DDX19B: variants seen among roughly 807,000 people sequenced by gnomAD.
DDX19B encodes ATP-dependent RNA helicase DDX19B.
In DDX19B, 27 loss-of-function variants were observed where a neutral mutation model predicts 58.1. That is an observed-to-expected ratio of 0.46 (90% CI 0.34 to 0.64). DDX19B has a LOEUF of 0.64. DDX19B is among the 30% of genes least tolerant of loss of function. The pLI, the probability that DDX19B is intolerant of heterozygous loss-of-function variation, is 0.01. For missense variants in DDX19B, 399 were observed against 596.5 expected (o/e 0.67, Z 3.45); for synonymous variants, 187 against 214.4 (o/e 0.87, Z 1.12).
upstream of DDX19B, among the ~76,000 whole-genome samples, chr16:70,293,181 C>G (rs1961103765): frequency 6.6e-6 from 1 of 152,034 alleles, no homozygotes; most frequent in African/African-American, 2.4e-5. Flanking sequence ...CTTTGGGATT[C>G]TGAGGTGGGT....
intron 10 of DDX19B, 44 bp downstream of exon 10, chr16:70,331,928 C>T (rs746957675): frequency 5.8e-5 from 93 of 1,601,948 alleles, no homozygotes; most frequent in Non-Finnish European, 7.7e-5. Flanking sequence ...GGCTTGGGGT[C>T]CCAGGCCCAG....
chr16:70,291,585 A>G (rs919780681), upstream of DDX19B, among the ~76,000 whole-genome samples: 9 of 151,888 alleles, frequency 5.9e-5, no homozygotes, highest in Non-Finnish European at 1.3e-4. Context: ...CTAGGCAGGC[A>G]GATCATGAGG....
At chr16:70,311,349 C>T (rs1372866536) in intron 1 of DDX19B, among the ~76,000 whole-genome samples, 3 of 152,134 alleles carry the variant, frequency 2.0e-5, no homozygotes, top group Non-Finnish European at 4.4e-5. Context: ...CCCTACACTC[C>T]AGTCCAGGTG....
rs1221617517 is a variant in DDX19B at position 70,335,226 on chromosome 16, T to C, written c.*1644T>C. 6.6e-6 allele frequency: 1 copy of C among 152,168 alleles called. No homozygotes were observed. The highest frequency in any genetic ancestry group is 2.4e-5 in the African/African-American group (1 of 41,450). 9.4% of individuals were successfully genotyped at this position (152,168 alleles called of 1,614,324 possible). A position where few individuals can be genotyped will look rare whatever the true frequency, so the allele number is the denominator to read the frequency against. ...AGAAATTTTTATACTTTTTTCTCCT[T>C]CCCTGAGTCCTGTGGACCAACCCTG... is the stretch of plus-strand genomic sequence containing the variant. On this transcript the variant is annotated 3_prime_UTR_variant, in exon 12 of 12. Coordinates refer to ENST00000288071, the MANE Select transcript of DDX19B (RefSeq NM_007242.7).
chr16:70,314,953 A>G lies in DDX19B; in HGVS notation c.158A>G (p.Lys53Arg). Residue 53 changes from lysine to arginine, a missense_variant and splice_region_variant, in exon 3 of 12, where the codon AAA becomes AGA. Physicochemically the swap from Lys to Arg is conservative, Grantham distance 26. This residue lies in a region of DDX19B where 132 missense variants were observed against 159.4 expected (regional missense o/e 0.83). Transcript: ENST00000288071. ...GCAGAGAAGACAGATGAAGAAGAGA[A>G]AGGTAACACAGCCGTGGAGCTTTAT... ...ANAEKTDEEEKEDRAAQSLLN... is the reference protein window; with the variant it reads ...ANAEKTDEEEREDRAAQSLLN... 1.9e-6 allele frequency: 3 copies of G among 1,608,582 alleles called. No homozygotes were observed. Among genetic ancestry groups the G allele is most frequent in the Non-Finnish European group, 2.6e-6 (3 of 1,176,314 alleles).
chr16:70,331,546 T>TA (rs2152215297), intron 9 of DDX19B, among the ~76,000 whole-genome samples, 176 bp from the exon 10 acceptor site: 1 of 152,352 alleles, frequency 6.6e-6, no homozygotes, highest in East Asian at 1.9e-4. Context: ...CTCAAGTGTG[T>TA]AGCTTGGACT....
At chr16:70,298,773 T>C (rs551209832), upstream of DDX19B, among the ~76,000 whole-genome samples, 6 of 152,246 alleles carry the variant, frequency 3.9e-5, no homozygotes, top group South Asian at 4.1e-4. Flanking sequence ...CCTAACAAGA[T>C]TGCATAGTGG....
chr16:70,309,695 G>C (rs1018726043), intron 1 of DDX19B, among the ~76,000 whole-genome samples: 1 of 150,948 alleles, frequency 6.6e-6, no homozygotes, highest in African/African-American at 2.4e-5. Context: ...GCACACGCCT[G>C]TAATCCCAGC....
Position 70,333,872 on chromosome 16 carries a change from A to C in DDX19B, c.*290A>C. ...GCCAGTGTTTCCTTCATGCTAATCT[A>C]GATGCTGTGGCTGATTACTTGCCCA... is the stretch of plus-strand genomic sequence containing the variant. On this transcript the variant is annotated 3_prime_UTR_variant, in exon 12 of 12. Transcript: ENST00000288071. 1 of 500,870 alleles carries C rather than the reference A, an allele frequency of 2.0e-6. No individual in the cohort carries two copies. Among genetic ancestry groups the C allele is most frequent in the South Asian group, 2.3e-5 (1 of 44,242 alleles). The allele number at this position is 500,870 out of a possible 1,614,324, so 31.0% of individuals were successfully genotyped here.
intron 4 of DDX19B, 72 bp downstream of exon 4, chr16:70,316,176 C>G: frequency 6.4e-7 from 1 of 1,560,232 alleles, no homozygotes; most frequent in Admixed American, 1.8e-5. Context: ...TTATAGATAT[C>G]TTTTGACCAC....
At chr16:70,332,181 T>A (rs182541405) in intron 10 of DDX19B, among the ~76,000 whole-genome samples, 1 of 148,766 alleles carries the variant, frequency 6.7e-6, no homozygotes, top group African/African-American at 2.6e-5. Flanking sequence ...AGAGGCTTAC[T>A]GACTGATTTC....
chr16:70,311,406 G>A (rs970577324), intron 1 of DDX19B, among the ~76,000 whole-genome samples: 1 of 151,860 alleles, frequency 6.6e-6, no homozygotes, highest in African/African-American at 2.4e-5. Context: ...AAAAATTTAC[G>A]ACTAGAGCAC....
At chr16:70,322,266 T>C (rs1006508585) in intron 5 of DDX19B, among the ~76,000 whole-genome samples, 1 of 152,040 alleles carries the variant, frequency 6.6e-6, no homozygotes, top group African/African-American at 2.4e-5. Flanking sequence ...ACAGGGAATC[T>C]AGATGTTTAA....
rs186549992 is a variant in DDX19B, at chr16:70,335,270, C to G, written c.*1688C>G. On this transcript the variant is annotated 3_prime_UTR_variant, in exon 12 of 12. Coordinates refer to ENST00000288071, the MANE Select transcript of DDX19B (RefSeq NM_007242.7). ...AACCCTGAAATACTAAAAACAAGGG[C>G]AATAATTAAAGAAGTATAGACTCTT... 6 of 152,220 alleles carry G rather than the reference C, an allele frequency of 3.9e-5. No individual in the cohort carries two copies. Among genetic ancestry groups the G allele is most frequent in the Admixed American group, 3.3e-4 (5 of 15,278 alleles). 9.4% of individuals were successfully genotyped at this position (152,220 alleles called of 1,614,324 possible).
rs74024199 is a variant in DDX19B at position 70,325,703 on chromosome 16, T to G, written c.607+15T>G. 20,704 of 1,573,088 alleles carry G rather than the reference T, an allele frequency of 0.013. 2,418 individuals carry two copies. In the African/African-American group the frequency reaches 0.25, roughly 19 times the overall value. On this transcript the variant is annotated intron_variant, in intron 7 of 11. Coordinates refer to ENST00000288071, the MANE Select transcript of DDX19B (RefSeq NM_007242.7). ...AGGCAATAAATGTGAGTATGTGAAT[T>G]TGGTCCTAAATCATCAACCTAATTC... is the stretch of plus-strand genomic sequence containing the variant.
At chr16:70,308,235 G>C (rs980079369) in intron 1 of DDX19B, among the ~76,000 whole-genome samples, 2 of 150,852 alleles carry the variant, frequency 1.3e-5, no homozygotes, top group Non-Finnish European at 3.0e-5. Context: ...TTACAGGCGT[G>C]AGCCACCACA....
intron 2 of DDX19B, 74 bp downstream of exon 2, chr16:70,312,731 T>A: frequency 7.4e-7 from 1 of 1,343,462 alleles, no homozygotes; most frequent in Admixed American, 2.0e-5. Flanking sequence ...AACAACTGTC[T>A]GGAAAAAAAT....
At position 70,312,668 on chromosome 16, in the gene DDX19B, A is replaced by AAT; in HGVS notation, c.106+13_106+14dup. 1 of 1,603,192 alleles carries AAT rather than the reference A, an allele frequency of 6.2e-7. No individual in the cohort carries two copies. The highest frequency in any genetic ancestry group is 8.5e-7 in the Non-Finnish European group (1 of 1,173,368). On this transcript the variant is annotated intron_variant, in intron 2 of 11. Transcript: ENST00000288071. Reference sequence around the variant, plus strand: ...AACCAGATACCAATGGTAAGTAACTAATAGCTAGTTTGAAAACAAATGTGA... The same window carrying AAT: ...AACCAGATACCAATGGTAAGTAACTAATATAGCTAGTTTGAAAACAAATGTGA...
At chr16:70,289,773 G>A in exon 1 of DDX19B, 1 of 221,070 alleles carries the variant, frequency 4.5e-6, no homozygotes, top group Admixed American at 4.7e-5. Flanking sequence ...CCCCGCCCCC[G>A]GCTCCCGGAG....
Sources: gnomAD v4.1 joint callset for allele counts (sites outside exome capture counted in the v4.1 genomes callset) on GRCh38, gnomAD v4.1.1 for gene constraint, gnomAD v4.1.1 regional missense constraint, MANE v1.5 for transcripts, NCBI Gene and HGNC (gene_info 2026-07-23, HGNC 2026-07-21) for gene names.